DAGLA: variants seen among roughly 807,000 people sequenced by gnomAD.
The protein encoded by DAGLA is diacylglycerol lipase alpha.
In DAGLA, 22 loss-of-function variants were observed where a neutral mutation model predicts 102.6. That is an observed-to-expected ratio of 0.21 (90% CI 0.15 to 0.31). The LOEUF is 0.31. Among genes scored for constraint, DAGLA ranks in the 10% least tolerant of loss-of-function variants. The pLI is 1.00. For missense variants in DAGLA, 927 were observed against 1,446.6 expected (o/e 0.64, Z 5.83); for synonymous variants, 578 against 628.9 (o/e 0.92, Z 1.21).
chr11:61,715,208 G>A (rs1409274341), intron 1 of DAGLA, among the ~76,000 whole-genome samples: 1 of 152,188 alleles, frequency 6.6e-6, no homozygotes, highest in Non-Finnish European at 1.5e-5. Flanking sequence ...TTACTGCTGT[G>A]AGGACTGAAG....
At chr11:61,688,017 T>C (rs2064998708) in intron 1 of DAGLA, among the ~76,000 whole-genome samples, 1 of 152,120 alleles carries the variant, frequency 6.6e-6, no homozygotes. Context: ...GACATTGTAC[T>C]AACAAAGGAT....
chr11:61,709,398 C>A (rs1389655199), intron 1 of DAGLA, among the ~76,000 whole-genome samples: 1 of 152,196 alleles, frequency 6.6e-6, no homozygotes, highest in African/African-American at 2.4e-5. Context: ...CATGCACCAC[C>A]ACGCCCCGCT....
intron 8 of DAGLA, 92 bp from the exon 9 acceptor site, chr11:61,731,225 G>A (rs2065371291): frequency 1.3e-6 from 2 of 1,521,204 alleles, no homozygotes; most frequent in Non-Finnish European, 1.8e-6. Context: ...CAGGGGTTGG[G>A]TCCGCAGGCT....
At chr11:61,730,609 C>T (rs2065365507) in intron 8 of DAGLA, among the ~76,000 whole-genome samples, 1 of 152,178 alleles carries the variant, frequency 6.6e-6, no homozygotes, top group Non-Finnish European at 1.5e-5. Flanking sequence ...GCTGGGGCAC[C>T]CCTGCCTCTT....
At chr11:61,708,077 G>A (rs985810277) in intron 1 of DAGLA, among the ~76,000 whole-genome samples, 2 of 152,042 alleles carry the variant, frequency 1.3e-5, no homozygotes, top group East Asian at 1.9e-4. Context: ...ACGCAGTCTC[G>A]GCTCATTGCA....
chr11:61,690,804 G>A (rs1366312875), intron 1 of DAGLA, among the ~76,000 whole-genome samples: 1 of 152,162 alleles, frequency 6.6e-6, no homozygotes, highest in Non-Finnish European at 1.5e-5. Flanking sequence ...CAAAAGGAAG[G>A]CCCCCTTTGG....
intron 1 of DAGLA, among the ~76,000 whole-genome samples, chr11:61,716,515 A>G (rs1157464260): frequency 7.4e-6 from 1 of 135,858 alleles, no homozygotes; most frequent in Non-Finnish European, 1.6e-5. Context: ...TGGCAGTGTA[A>G]GAAGGTGCTG....
At chr11:61,732,276 C>T (rs542793363) in intron 9 of DAGLA, among the ~76,000 whole-genome samples, 17 of 152,184 alleles carry the variant, frequency 1.1e-4, no homozygotes, top group Non-Finnish European at 1.9e-4. Flanking sequence ...CACTCTGCAG[C>T]GCCCTCCCTG....
At chr11:61,718,509 G>C (rs967910581) in intron 1 of DAGLA, among the ~76,000 whole-genome samples, 1 of 151,356 alleles carries the variant, frequency 6.6e-6, no homozygotes, top group Non-Finnish European at 1.5e-5. Context: ...CTGTCCTATC[G>C]TGTCCAACCC....
rs1565257619 is a variant in DAGLA, at chr11:61,722,885, G to A, written c.334G>A (p.Ala112Thr). ...LAILVIEFIY[A>T]IVGIVWLTQY... ...CATCCTGGTGATCGAGTTCATCTAC[G>A]CCATCGTGGGCATCGTCTGGCTCAC... The change falls in exon 4 of 20, where the codon GCC becomes ACC. Residue 112 changes from alanine (A) to threonine (T), a missense_variant. By Grantham distance (58) the Ala-to-Thr change is moderately conservative (BLOSUM62 0). This residue lies in a region of DAGLA where 231 missense variants were observed against 439.8 expected (regional missense o/e 0.53). Transcript: ENST00000257215. The A allele has an allele frequency of 1.2e-6, 2 of 1,614,126 alleles. No homozygotes were observed. The highest frequency in any genetic ancestry group is 1.7e-6 in the Non-Finnish European group (2 of 1,180,002).
intron 13 of DAGLA, 143 bp from the exon 14 acceptor site, chr11:61,737,039 C>T: frequency 8.8e-7 from 1 of 1,140,534 alleles, no homozygotes; most frequent in Non-Finnish European, 1.3e-6. Context: ...TATCTTGGTT[C>T]TCTGTGCCCT....
intron 1 of DAGLA, among the ~76,000 whole-genome samples, chr11:61,702,934 G>T (rs1311373835): frequency 6.6e-6 from 1 of 152,166 alleles, no homozygotes; most frequent in East Asian, 1.9e-4. Context: ...TCCCTGCCTC[G>T]CCCACAGCGT....
intron 1 of DAGLA, among the ~76,000 whole-genome samples, chr11:61,699,065 A>T (rs1024247668): frequency 6.6e-6 from 1 of 152,170 alleles, no homozygotes; most frequent in Non-Finnish European, 1.5e-5. Context: ...CCTCAGAAAG[A>T]CAGGGCCTCC....
chr11:61,684,600 G>A lies in DAGLA; in HGVS notation c.-45+4096G>A, dbSNP rs555798077. On this transcript the variant is annotated intron_variant, in intron 1 of 19. Transcript: ENST00000257215. The surrounding 1 kb of genome is among the most constrained non-coding windows in gnomAD (Gnocchi z 4.5). ...AGGGGATTGGTGTGACCACGGGTAA[G>A]GGTGTTTTCATGGGGTGTTTGGCAG... 6.6e-6 allele frequency among the ~76,000 whole-genome samples: 1 copy of A among 152,264 alleles called. No homozygotes were observed. Among genetic ancestry groups the A allele is most frequent in the East Asian group, 1.9e-4 (1 of 5,180 alleles).
chr11:61,722,402 A>G (rs192081213), intron 3 of DAGLA, among the ~76,000 whole-genome samples: 3,609 of 152,292 alleles, frequency 0.024, 117 homozygotes, highest in African/African-American at 0.075. Context: ...CCTGGCCAAC[A>G]TGACGAAACC....
chr11:61,685,283 A>AT (rs1272803867), intron 1 of DAGLA, among the ~76,000 whole-genome samples: 1 of 152,178 alleles, frequency 6.6e-6, no homozygotes, highest in Non-Finnish European at 1.5e-5. Context: ...AGAGATCCTG[A>AT]TGAAAACACG....
intron 1 of DAGLA, among the ~76,000 whole-genome samples, chr11:61,709,586 A>C (rs1195636636): frequency 6.6e-6 from 1 of 152,096 alleles, no homozygotes; most frequent in South Asian, 2.1e-4. Context: ...CTGGAAACCC[A>C]CTGAAGAGCA....
At chr11:61,726,339 T>C (rs942313078) in intron 6 of DAGLA, among the ~76,000 whole-genome samples, 40 of 8,528 alleles carry the variant, frequency 4.7e-3, no homozygotes, top group Admixed American at 5.4e-3. Flanking sequence ...TTGGAACTTA[T>C]ACTCTAGTTT....
At position 61,743,767 on chromosome 11, in the gene DAGLA, A is replaced by C; in HGVS notation, c.2407A>C (p.Ile803Leu). 2 of 1,612,498 alleles carry C rather than the reference A, an allele frequency of 1.2e-6. No individual in the cohort carries two copies. The highest frequency in any genetic ancestry group is 1.1e-5 in the South Asian group (1 of 91,082). Residue 803 changes from isoleucine (I) to leucine (L), a missense_variant, in exon 20 of 20, where the codon ATC (isoleucine) becomes CTC (leucine). By Grantham distance (5) the Ile-to-Leu change is conservative. Around this residue, in one of 4 missense-constraint regions of DAGLA, gnomAD observed 434 missense variants for 503.3 expected, o/e 0.86. Transcript: ENST00000257215. ...DSRRSSGFRS[I>L]RGSPSLHAVL... ...GCGCCGCTCCTCAGGCTTCCGCAGC[A>C]TCCGGGGCTCCCCCAGCCTCCACGC...
Sources: gnomAD v4.1 joint callset for allele counts (sites outside exome capture counted in the v4.1 genomes callset) on GRCh38, gnomAD v4.1.1 for gene constraint, gnomAD v4.1.1 regional missense constraint, Gnocchi (gnomAD v3.1) non-coding constraint, MANE v1.5 for transcripts, NCBI Gene and HGNC (gene_info 2026-07-23, HGNC 2026-07-21) for gene names.